PKD1L3: variants seen among roughly 807,000 people sequenced by gnomAD.
PKD1L3 encodes polycystin-1-like protein 3.
PKD1L3 carries 239 observed loss-of-function variants against 184.1 expected under a neutral mutation model. The ratio of observed to expected loss-of-function variants is 1.30; its 90% CI spans 1.17 to 1.45. The LOEUF is 1.45. PKD1L3 is among the 40% of genes most tolerant of loss of function. PKD1L3 has a pLI of 0.00. For missense variants in PKD1L3, 2,660 were observed against 2,067.2 expected (o/e 1.29, Z -5.56); for synonymous variants, 996 against 778.8 (o/e 1.28, Z -4.64).
intron 21 of PKD1L3, among the ~76,000 whole-genome samples, chr16:71,948,609 G>A (rs1200888565): frequency 1.3e-5 from 2 of 152,078 alleles, no homozygotes; most frequent in South Asian, 2.1e-4. Flanking sequence ...CATATTGCCA[G>A]ATTTTCCTTA....
At chr16:71,969,589 G>A (rs954611842) in intron 13 of PKD1L3, among the ~76,000 whole-genome samples, 2 of 150,750 alleles carry the variant, frequency 1.3e-5, no homozygotes, top group Non-Finnish European at 2.9e-5. Context: ...TGGAATTATA[G>A]GCATGAGCCA....
At chr16:71,994,513 C>T (rs896962727) in intron 2 of PKD1L3, among the ~76,000 whole-genome samples, 1 of 152,104 alleles carries the variant, frequency 6.6e-6, no homozygotes. Flanking sequence ...TTTGGTAGCT[C>T]AGATTAAGTA....
chr16:71,959,249 A>G (rs1347456131), intron 16 of PKD1L3, among the ~76,000 whole-genome samples: 3 of 152,050 alleles, frequency 2.0e-5, no homozygotes, highest in Non-Finnish European at 2.9e-5. Context: ...TGTCTCTACT[A>G]AAAATACAAA....
At chr16:71,983,956 C>T in intron 6 of PKD1L3, 80 bp downstream of exon 6, 1 of 1,514,572 alleles carries the variant, frequency 6.6e-7, no homozygotes, top group Non-Finnish European at 8.9e-7. Context: ...AGCCACCGCA[C>T]CCAGCCTCAG....
At chr16:71,952,671 C>CA (rs1461380861) in intron 18 of PKD1L3, among the ~76,000 whole-genome samples, 3 of 149,626 alleles carry the variant, frequency 2.0e-5, no homozygotes, top group African/African-American at 4.9e-5. Flanking sequence ...CCTGTCTCTA[C>CA]AAAAAAATAC....
At chr16:71,937,785 T>C (rs1406771183) in intron 24 of PKD1L3, among the ~76,000 whole-genome samples, 3 of 152,216 alleles carry the variant, frequency 2.0e-5, no homozygotes, top group Admixed American at 6.5e-5. Context: ...ATCCCATGGA[T>C]ACTCAGTCAT....
intron 2 of PKD1L3, among the ~76,000 whole-genome samples, 172 bp from the exon 3 acceptor site, chr16:71,993,504 C>T (rs940504570): frequency 9.9e-5 from 15 of 152,198 alleles, no homozygotes; most frequent in African/African-American, 3.1e-4. Context: ...GCTCTGCTCA[C>T]ATTATGGTGT....
intron 10 of PKD1L3, 86 bp from the exon 11 acceptor site, chr16:71,977,553 C>G: frequency 1.3e-6 from 1 of 760,290 alleles, no homozygotes; most frequent in South Asian, 2.0e-5. Flanking sequence ...AAGGAAACGT[C>G]CTAGCTCTTT....
chr16:71,973,890 T>C (rs974938193), intron 11 of PKD1L3, among the ~76,000 whole-genome samples: 12 of 151,996 alleles, frequency 7.9e-5, no homozygotes, highest in Admixed American at 6.6e-4. Flanking sequence ...TAATCCCAGC[T>C]ACTCAGGAGG....
chr16:71,984,412 A>T (rs911212712), intron 5 of PKD1L3, among the ~76,000 whole-genome samples: 4 of 152,256 alleles, frequency 2.6e-5, no homozygotes, highest in African/African-American at 7.2e-5. Context: ...AGGGCAAATG[A>T]GTCTGGAAAT....
At position 71,929,561 on chromosome 16, in the gene PKD1L3, C is replaced by G; in HGVS notation, c.5176G>C (p.Glu1726Gln). 6.4e-7 allele frequency: 1 copy of G among 1,551,106 alleles called. No individual in the cohort carries two copies. Among genetic ancestry groups the G allele is most frequent in the African/African-American group, 1.4e-5 (1 of 73,122 alleles). ...AATTAVGSDTEVLDELP is the reference protein window; with the variant it reads ...AATTAVGSDTQVLDELP Reference sequence around the variant, plus strand: ...GATTAAGGTAGTTCATCTAAAACTTCAGTGTCACTGCCCACTGCTGTCGTG... The same window carrying G: ...GATTAAGGTAGTTCATCTAAAACTTGAGTGTCACTGCCCACTGCTGTCGTG... The change falls in exon 30 of 30, where the codon GAA (glutamate) becomes CAA (glutamine). Residue 1726 changes from glutamate (E) to glutamine (Q), a missense_variant. By Grantham distance (29) the Glu-to-Gln change is conservative. Coordinates refer to ENST00000620267, the MANE Select transcript of PKD1L3 (RefSeq NM_181536.2).
chr16:71,975,833 C>T (rs949062205), intron 11 of PKD1L3, among the ~76,000 whole-genome samples: 1 of 152,122 alleles, frequency 6.6e-6, no homozygotes, highest in Non-Finnish European at 1.5e-5. Context: ...GCTTGTAAAC[C>T]TGGTGAAATC....
In PKD1L3 at chr16:71,951,647, A is replaced by T. The variant is rs948867822; in HGVS notation, c.3107T>A (p.Leu1036Gln). 6.4e-7 allele frequency: 1 copy of T among 1,551,672 alleles called. No homozygotes were observed. Among genetic ancestry groups the T allele is most frequent in the African/African-American group, 1.4e-5 (1 of 73,056 alleles). The stretch of plus-strand genomic sequence containing the variant: ...TACGAGGCTGGATAAAAGTTTCACC[A>T]GCTTAGTAATGTCCCAAGAACTCCA... Reference protein sequence around the residue: ...PPWSSWDITKLVKLLSSLVSS... With the variant: ...PPWSSWDITKQVKLLSSLVSS... The change falls in exon 19 of 30, where the codon CTG (leucine) becomes CAG (glutamine). Residue 1036 changes from leucine to glutamine, a missense_variant. Leu to Gln is a moderately radical substitution (Grantham distance 113, BLOSUM62 -2). Coordinates refer to ENST00000620267, the MANE Select transcript of PKD1L3 (RefSeq NM_181536.2).
At chr16:71,979,765 C>T in intron 9 of PKD1L3, 21 bp downstream of exon 9, 4 of 1,477,660 alleles carry the variant, frequency 2.7e-6, no homozygotes, top group Non-Finnish European at 2.7e-6. Context: ...TCATTCTGAT[C>T]ACAATCAATT....
At position 71,979,999 on chromosome 16, in the gene PKD1L3, C is replaced by T. The variant is rs1047386625; in HGVS notation, c.1271+8G>A. The T allele has an allele frequency of 1.9e-6, 3 of 1,551,866 alleles. No homozygotes were observed. The highest frequency in any genetic ancestry group is 3.9e-5 in the Admixed American group (2 of 50,934). On this transcript the variant is annotated splice_region_variant and intron_variant, in intron 8 of 29. Coordinates refer to ENST00000620267, the MANE Select transcript of PKD1L3 (RefSeq NM_181536.2). ...GTGAAACTCTCCCCGTTCCTTCTTC[C>T]CATTAACCTGCTCAGCAGCAGAGTA...
intron 9 of PKD1L3, among the ~76,000 whole-genome samples, chr16:71,978,594 C>T (rs2040028102): frequency 6.9e-6 from 1 of 145,898 alleles, no homozygotes; most frequent in East Asian, 2.0e-4. Context: ...GGATGGAGTG[C>T]AGTGGCACAA....
rs1300077219 is a variant in PKD1L3, at chr16:71,998,337, T to C, written c.353A>G (p.Asn118Ser). Residue 118 changes from asparagine to serine, a missense_variant, in exon 2 of 30, where the codon AAC (asparagine) becomes AGC (serine). By Grantham distance (46) the Asn-to-Ser change is conservative. Coordinates refer to ENST00000620267, the MANE Select transcript of PKD1L3 (RefSeq NM_181536.2). ...CCCTTTGGATGAGATCCGAATGAAG[T>C]TTCTGGACAGGTAGGTGCAGCTGAG... Reference protein sequence around the residue: ...KPLSCTYLSRNFIRISSKGDK... With the variant: ...KPLSCTYLSRSFIRISSKGDK... The C allele has an allele frequency of 1.3e-6, 2 of 1,551,932 alleles. No individual in the cohort carries two copies. Among genetic ancestry groups the C allele is most frequent in the East Asian group, 4.9e-5 (2 of 40,942 alleles).
At position 71,942,716 on chromosome 16, in the gene PKD1L3, G is replaced by C. The variant is rs866170810; in HGVS notation, c.4168C>G (p.His1390Asp). 1 of 1,551,570 alleles carries C rather than the reference G, an allele frequency of 6.4e-7. No homozygotes were observed. Among genetic ancestry groups the C allele is most frequent in the African/African-American group, 1.4e-5 (1 of 73,038 alleles). The stretch of plus-strand genomic sequence containing the variant: ...AGGCTCTTGGGACGCCCACAGGTAT[G>C]GCCGTTATCACAAAACGCCAGCTGA... ...EGQLAFCDNG[H>D]TCGRPKSLFP... Residue 1390 changes from histidine (H) to aspartate (D), a missense_variant, in exon 24 of 30, where the codon CAT becomes GAT. By Grantham distance (81) the His-to-Asp change is moderately conservative. Transcript: ENST00000620267.
intron 25 of PKD1L3, among the ~76,000 whole-genome samples, chr16:71,936,996 T>A (rs190497658): frequency 2.0e-5 from 3 of 152,300 alleles, no homozygotes; most frequent in Non-Finnish European, 4.4e-5. Flanking sequence ...TAACATGTCA[T>A]TGTAGAGCTT....
Sources: gnomAD v4.1 joint callset for allele counts (sites outside exome capture counted in the v4.1 genomes callset) on GRCh38, gnomAD v4.1.1 for gene constraint, MANE v1.5 for transcripts, NCBI Gene and HGNC (gene_info 2026-07-23, HGNC 2026-07-21) for gene names.